The following GLIS3 variants were observed in gnomAD, a reference collection of about 807,000 sequenced individuals.
GLIS3 encodes the protein zinc finger protein GLIS3.
In GLIS3, 53 loss-of-function variants were observed where a neutral mutation model predicts 78.6. That is an observed-to-expected ratio of 0.67 (90% confidence interval 0.54 to 0.85). The LOEUF is 0.85. Among genes scored for constraint, GLIS3 ranks in the 40% least tolerant of loss-of-function variants. The probability of loss-of-function intolerance (pLI) is 0.00; values close to 1 mark genes in which losing one functional copy is unlikely to be tolerated. For missense variants in GLIS3, 1,703 were observed against 1,231.1 expected (o/e 1.38, Z -5.74); for synonymous variants, 684 against 509.9 (o/e 1.34, Z -4.60).
At chr9:4,089,970 C>T (rs796927201) in intron 4 of GLIS3, among the ~76,000 whole-genome samples, 5 of 152,306 alleles carry the variant, frequency 3.3e-5, no homozygotes, top group African/African-American at 1.2e-4. Context: ...TGTGCCATGC[C>T]CACGGCAGAG....
chr9:4,156,443 G>C (rs922476786), intron 2 of GLIS3, among the ~76,000 whole-genome samples: 7 of 152,116 alleles, frequency 4.6e-5, no homozygotes, highest in African/African-American at 1.7e-4. Context: ...CACTTAGCAG[G>C]TGCCAGCTGT....
intron 2 of GLIS3, among the ~76,000 whole-genome samples, chr9:4,274,845 A>G (rs940582201): frequency 2.0e-5 from 3 of 152,092 alleles, no homozygotes; most frequent in East Asian, 1.9e-4. Context: ...TGCCCTGTAC[A>G]TTTCTAACCA....
the GLIS3 span, among the ~76,000 whole-genome samples, chr9:4,417,610 T>A: frequency 1.6e-3 from 241 of 152,342 alleles, 1 homozygote; most frequent in African/African-American, 5.6e-3. Flanking sequence ...GGGGCCCTTG[T>A]GTAAATACAT....
chr9:3,992,902 T>C, intron 4 of GLIS3, among the ~76,000 whole-genome samples: 1 of 152,198 alleles, frequency 6.6e-6, no homozygotes, highest in Non-Finnish European at 1.5e-5. Context: ...GTTTGAGGTG[T>C]ATGAAGATTT....
rs1817817731 is a variant in GLIS3, at chr9:4,340,402, TA to T, written n.264+6678del. ...TGGGGGAAAACTTCAACTTCCCAAT[TA>T]AAAGGCAACTCAATTCCAGGATGAA... is the stretch of plus-strand genomic sequence containing the variant. On this transcript the variant is annotated intron_variant and non_coding_transcript_variant, in intron 2 of 4. Transcript: ENST00000471664. 3.3e-5 allele frequency among the ~76,000 whole-genome samples: 5 copies of T among 152,204 alleles called. No homozygotes were observed. The South Asian group carries it at 8.3e-4, about 25-fold the overall frequency.
chr9:4,429,719 C>T, the GLIS3 span, among the ~76,000 whole-genome samples: 2 of 152,094 alleles, frequency 1.3e-5, no homozygotes, highest in Admixed American at 6.6e-5. Flanking sequence ...ATCCCCAGCT[C>T]TGTGTCAGAC....
chr9:4,066,820 C>T (rs917770468), intron 4 of GLIS3, among the ~76,000 whole-genome samples: 4 of 152,220 alleles, frequency 2.6e-5, no homozygotes, highest in Non-Finnish European at 5.9e-5. Flanking sequence ...TTTCATTGCA[C>T]TGCTGCAGCA....
chr9:3,856,723 T>C (rs1819817808), intron 8 of GLIS3, among the ~76,000 whole-genome samples: 1 of 152,220 alleles, frequency 6.6e-6, no homozygotes, highest in African/African-American at 2.4e-5. Context: ...ATGAATTAAC[T>C]TAAACCTCGA....
chr9:4,247,288 G>C (rs1056488398), intron 2 of GLIS3, among the ~76,000 whole-genome samples: 1 of 152,008 alleles, frequency 6.6e-6, no homozygotes, highest in African/African-American at 2.4e-5. Context: ...CTGAAAGTAC[G>C]GTTGTTTTAA....
the GLIS3 span, among the ~76,000 whole-genome samples, chr9:4,419,926 A>G: frequency 6.6e-6 from 1 of 152,208 alleles, no homozygotes; most frequent in Non-Finnish European, 1.5e-5. Context: ...ATTGGGGATT[A>G]TTATAATTGA....
the GLIS3 span, among the ~76,000 whole-genome samples, chr9:4,472,548 A>T: frequency 6.7e-6 from 1 of 149,552 alleles, no homozygotes; most frequent in Non-Finnish European, 1.5e-5. Context: ...ATAAGTGGGA[A>T]CTGAACAATG....
chr9:3,982,670 A>AGCC (rs1287787467), intron 4 of GLIS3, among the ~76,000 whole-genome samples: 1 of 152,228 alleles, frequency 6.6e-6, no homozygotes, highest in East Asian at 1.9e-4. Context: ...AGAAAGGCCA[A>AGCC]GCCTAGCAAA....
chr9:4,483,689 C>T, the GLIS3 span, among the ~76,000 whole-genome samples: 1 of 147,578 alleles, frequency 6.8e-6, no homozygotes. Context: ...CACTGCGCTT[C>T]AGCCTGGGCA....
At chr9:4,468,326 A>G in the GLIS3 span, among the ~76,000 whole-genome samples, 2 of 152,174 alleles carry the variant, frequency 1.3e-5, no homozygotes, top group Non-Finnish European at 2.9e-5. Flanking sequence ...TCCAAGACAC[A>G]TAATTGTCAG....
intron 2 of GLIS3, among the ~76,000 whole-genome samples, chr9:4,253,071 C>A (rs929646672): frequency 1.3e-5 from 2 of 152,190 alleles, no homozygotes; most frequent in South Asian, 2.1e-4. Flanking sequence ...AGGTGTCTCA[C>A]GATTAGGAGG....
intron 2 of GLIS3, among the ~76,000 whole-genome samples, chr9:4,196,487 G>C (rs892192231): frequency 1.3e-5 from 2 of 152,176 alleles, no homozygotes; most frequent in African/African-American, 2.4e-5. Flanking sequence ...CTGCCTTTAT[G>C]AGCTGTAACC....
intron 4 of GLIS3, among the ~76,000 whole-genome samples, chr9:4,000,637 C>T (rs1417623207): frequency 6.6e-6 from 1 of 152,116 alleles, no homozygotes; most frequent in African/African-American, 2.4e-5. Flanking sequence ...TTCTAGTGGC[C>T]CCCTGCTGCT....
At chr9:4,121,036 G>C (rs2130893124) in intron 3 of GLIS3, among the ~76,000 whole-genome samples, 1 of 152,266 alleles carries the variant, frequency 6.6e-6, no homozygotes, top group South Asian at 2.1e-4. Context: ...AGTTTTCTAA[G>C]ACAATTATAT....
At chr9:3,946,284 G>A (rs1232191369) in intron 4 of GLIS3, among the ~76,000 whole-genome samples, 1 of 152,216 alleles carries the variant, frequency 6.6e-6, no homozygotes, top group Non-Finnish European at 1.5e-5. Context: ...TCTAGGTACA[G>A]TGCTTGGCAT....
Sources: allele counts gnomAD v4.1 joint callset (sites outside exome capture counted in the v4.1 genomes callset), GRCh38; gene constraint gnomAD v4.1.1; transcripts MANE v1.5; gene names NCBI Gene and HGNC (gene_info 2026-07-23, HGNC 2026-07-21).